The following WDR86 variants were observed in gnomAD, a reference collection of about 807,000 sequenced individuals.
WDR86 encodes the protein WD repeat-containing protein 86.
A neutral mutation model predicts 36.5 loss-of-function variants in WDR86; 30 were observed. The ratio of observed to expected loss-of-function variants is 0.82; its 90% CI spans 0.61 to 1.11. The LOEUF is 1.11. Among genes scored for constraint, WDR86 ranks in the 50% most tolerant of loss-of-function variants. WDR86 has a pLI of 0.00. For synonymous variants in WDR86, 255 were observed against 252.9 expected (o/e 1.01, Z -0.08); for missense variants, 545 against 561.2 (o/e 0.97, Z 0.29).
chr7:151,369,391 CCTCT>C, the WDR86 span, among the ~76,000 whole-genome samples: 9 of 152,214 alleles, frequency 5.9e-5, no homozygotes, highest in African/African-American at 2.2e-4. Flanking sequence ...CAAACGGTCC[CCTCT>C]CTCTCTTTCT....
chr7:151,392,415 G>A (rs1322549022), intron 3 of WDR86, among the ~76,000 whole-genome samples: 1 of 152,190 alleles, frequency 6.6e-6, no homozygotes, highest in Non-Finnish European at 1.5e-5. Flanking sequence ...CTTAGGGTTT[G>A]TGTTTACAGG....
At chr7:151,408,768 C>A (rs1800942036) in intron 1 of WDR86, 1 of 403,804 alleles carries the variant, frequency 2.5e-6, no homozygotes, top group Non-Finnish European at 5.2e-6. Flanking sequence ...GCACACTGAC[C>A]TCCTGAGTGA....
intron 3 of WDR86, among the ~76,000 whole-genome samples, chr7:151,389,537 G>A (rs943633685): frequency 1.3e-5 from 2 of 152,168 alleles, no homozygotes; most frequent in African/African-American, 4.8e-5. Flanking sequence ...AAGCACACAC[G>A]CTTCTTCGGC....
chr7:151,409,820 C>G lies in WDR86; in HGVS notation c.-231G>C. ...GCTGCGGGGGGCGGCCCACTCGGGA[C>G]CTCCGCCCTGGGTAGAGTCCTGGGC... On this transcript the variant is annotated 5_prime_UTR_variant, in exon 1 of 6. Transcript: ENST00000334493. This position sits in a 1 kb window ranked among gnomAD's most constrained non-coding sequence, Gnocchi z 5.2. The G allele has an allele frequency of 8.0e-7, 1 of 1,256,742 alleles. No individual in the cohort carries two copies. Among genetic ancestry groups the G allele is most frequent in the Non-Finnish European group, 1.0e-6 (1 of 1,003,852 alleles). The allele number at this position is 1,256,742 out of a possible 1,614,324, so 77.8% of individuals were successfully genotyped here.
At chr7:151,386,733 C>G (rs968863876) in intron 3 of WDR86, among the ~76,000 whole-genome samples, 7 of 152,166 alleles carry the variant, frequency 4.6e-5, no homozygotes, top group South Asian at 2.1e-4. Context: ...TCTTCAACAG[C>G]CCCTCTGCTT....
At chr7:151,400,833 A>C (rs1027947015) in intron 1 of WDR86, among the ~76,000 whole-genome samples, 4 of 152,256 alleles carry the variant, frequency 2.6e-5, no homozygotes, top group Non-Finnish European at 5.9e-5. Flanking sequence ...AATAAGCCCC[A>C]GCATTCGCAC....
Position 151,381,716 on chromosome 7 carries a change from G to C in WDR86, c.997C>G (p.His333Asp), listed in dbSNP as rs1431575912. 7.3e-6 allele frequency: 11 copies of C among 1,498,114 alleles called. No homozygotes were observed. The highest frequency in any genetic ancestry group is 8.0e-6 in the Non-Finnish European group (9 of 1,129,158). The allele number at this position is 1,498,114 out of a possible 1,614,324, so 92.8% of individuals were successfully genotyped here. A position where few individuals can be genotyped will look rare whatever the true frequency, so the allele number is the denominator to read the frequency against. ...VHGQVLYTAS[H>D]DGALRLWDVR... is the part of the protein sequence containing the mutation. ...TCCCAGAGGCGCAGGGCGCCGTCGT[G>C]CGAGGCGGTGTAGAGCACCTGGCCG... The change falls in exon 6 of 6, where the codon CAC becomes GAC. Residue 333 changes from histidine (H) to aspartate (D), a missense_variant. Coordinates refer to ENST00000334493, the MANE Select transcript of WDR86 (RefSeq NM_198285.3). This position sits in a 1 kb window ranked among gnomAD's most constrained non-coding sequence, Gnocchi z 4.8.
At chr7:151,374,064 A>G, downstream of WDR86, 1 of 1,534,350 alleles carries the variant, frequency 6.5e-7, no homozygotes, top group Non-Finnish European at 8.8e-7. Context: ...CTCAGTCCCT[A>G]ACTTGGGATG....
rs1159130823 is a variant in WDR86, at chr7:151,409,832, G to C, written c.-243C>G. On this transcript the variant is annotated 5_prime_UTR_variant, in exon 1 of 6. Transcript: ENST00000334493. The surrounding 1 kb of genome is among the most constrained non-coding windows in gnomAD (Gnocchi z 5.2). ...GGCCCACTCGGGACCTCCGCCCTGGGTAGAGTCCTGGGCGCGCGGGCAGAG... is the reference window on the plus strand; with the variant it reads ...GGCCCACTCGGGACCTCCGCCCTGGCTAGAGTCCTGGGCGCGCGGGCAGAG... The C allele has an allele frequency of 1.6e-6, 2 of 1,245,170 alleles. No homozygotes were observed. Among genetic ancestry groups the C allele is most frequent in the Non-Finnish European group, 2.0e-6 (2 of 996,764 alleles). 77.1% of individuals were successfully genotyped at this position (1,245,170 alleles called of 1,614,324 possible).
downstream of WDR86, among the ~76,000 whole-genome samples, chr7:151,372,043 T>A (rs76462484): frequency 0.019 from 2,840 of 152,302 alleles, 40 homozygotes; most frequent in Non-Finnish European, 0.029. Context: ...ATATTTTTTG[T>A]GCAATATGGC....
At chr7:151,410,265 G>A (rs1037701387), upstream of WDR86, among the ~76,000 whole-genome samples, 2 of 152,248 alleles carry the variant, frequency 1.3e-5, no homozygotes, top group African/African-American at 4.8e-5. Flanking sequence ...CAAGGGCCGG[G>A]ACGAGGGAGG....
Position 151,381,823 on chromosome 7 carries a change from G to T in WDR86, c.966+55C>A. 3.2e-6 allele frequency: 5 copies of T among 1,549,102 alleles called. No individual in the cohort carries two copies. The highest frequency in any genetic ancestry group is 4.4e-6 in the Non-Finnish European group (5 of 1,145,514). On this transcript the variant is annotated intron_variant, in intron 5 of 5. Transcript: ENST00000334493. The surrounding 1 kb of genome is among the most constrained non-coding windows in gnomAD (Gnocchi z 4.8). ...CCGCTGCCCGCGTGGATGGATCGGG[G>T]CGGGGCACCTTCCCTCCCACGGGCG...
chr7:151,396,086 C>G lies in WDR86; in HGVS notation c.416G>C (p.Cys139Ser), dbSNP rs1339646439. ...MSREFRGHRN[C>S]VLTLAYSAPW... Reference sequence around the variant, plus strand: ...GGCAGAGTAGGCTAGGGTCAGCACGCAGTTGCGGTGGCCCCGGAACTCCCG... The same window carrying G: ...GGCAGAGTAGGCTAGGGTCAGCACGGAGTTGCGGTGGCCCCGGAACTCCCG... Residue 139 changes from cysteine (C) to serine (S), a missense_variant, in exon 3 of 6, where the codon TGC (cysteine) becomes TCC (serine). By Grantham distance (112) the Cys-to-Ser change is moderately radical (BLOSUM62 -1). Transcript: ENST00000334493. 1.2e-6 allele frequency: 2 copies of G among 1,612,674 alleles called. No individual in the cohort carries two copies. The highest frequency in any genetic ancestry group is 2.7e-5 in the African/African-American group (2 of 74,948).
chr7:151,401,670 T>C lies in WDR86; in HGVS notation c.164-1429A>G, dbSNP rs917560658. On this transcript the variant is annotated intron_variant, in intron 1 of 5. Transcript: ENST00000334493. This position sits in a 1 kb window ranked among gnomAD's most constrained non-coding sequence, Gnocchi z 4.3. ...ATCCCTGGAACCTGTCAATGTGACC[T>C]TACTTGGAAAGGGGTCTTTGTGGAT... Among the ~76,000 whole-genome samples the C allele has an allele frequency of 3.3e-5, 5 of 152,124 alleles. No homozygotes were observed. The highest frequency in any genetic ancestry group is 1.3e-4 in the Admixed American group (2 of 15,272).
intron 2 of WDR86, among the ~76,000 whole-genome samples, chr7:151,398,490 A>ATG (rs1554423872): frequency 6.7e-6 from 1 of 149,956 alleles, no homozygotes; most frequent in African/African-American, 2.5e-5. Context: ...GTGTATGTGT[A>ATG]TATGTGTGCG....
chr7:151,384,764 T>C (rs1053464730), intron 4 of WDR86, among the ~76,000 whole-genome samples: 1 of 152,242 alleles, frequency 6.6e-6, no homozygotes, highest in Non-Finnish European at 1.5e-5. Context: ...CCCTCGAGGC[T>C]GGCAGGATTA....
intron 1 of WDR86, among the ~76,000 whole-genome samples, chr7:151,403,081 C>T (rs1290173374): frequency 6.6e-6 from 1 of 152,258 alleles, no homozygotes; most frequent in Non-Finnish European, 1.5e-5. Flanking sequence ...CTCTAGGTTA[C>T]TTATGACACC....
chr7:151,400,105 C>T lies in WDR86; in HGVS notation c.300G>A (p.Val100=). The change falls in exon 2 of 6, where the codon GTG becomes GTA. Residue 100 remains valine, a synonymous_variant. Transcript: ENST00000334493. ...LQVYRGHTSI[V]NRILVANNQL... is the part of the protein sequence containing the mutation. ...AAGCCCCCAGCCAGGCTGACCTGTT[C>T]ACGATGGACGTGTGTCCTCGGTACA... The T allele has an allele frequency of 5.0e-6, 8 of 1,592,700 alleles. 1 individual carries two copies. The highest frequency in any genetic ancestry group is 6.8e-6 in the Non-Finnish European group (8 of 1,169,054).
intron 1 of WDR86, among the ~76,000 whole-genome samples, chr7:151,403,738 CAACCCCAGAGGGTTTATAAAATATG>C (rs1050951462): frequency 8.5e-5 from 13 of 152,212 alleles, no homozygotes; most frequent in Non-Finnish European, 8.8e-5. Context: ...AGATTTTTGC[CAACCCCAGAGGGTTTATAAAATATG>C]TTAAGATTGT....
Sources: gnomAD v4.1 joint callset for allele counts (sites outside exome capture counted in the v4.1 genomes callset) on GRCh38, gnomAD v4.1.1 for gene constraint, Gnocchi (gnomAD v3.1) non-coding constraint, MANE v1.5 for transcripts, NCBI Gene and HGNC (gene_info 2026-07-23, HGNC 2026-07-21) for gene names.